SGCD: variants seen among roughly 807,000 people sequenced by gnomAD.
SGCD encodes the protein delta-sarcoglycan.
In SGCD, 18 loss-of-function variants were observed where a neutral mutation model predicts 36.6. The ratio of observed to expected loss-of-function variants is 0.49; its 90% CI spans 0.34 to 0.73. SGCD has a LOEUF of 0.73. SGCD is among the 30% of genes least tolerant of loss of function. The pLI is 0.01. For missense variants in SGCD, 387 were observed against 346.7 expected (o/e 1.12, Z -0.92); for synonymous variants, 133 against 130.6 (o/e 1.02, Z -0.12).
chr5:156,318,451 A>C (rs993535276), intron 3 of SGCD, among the ~76,000 whole-genome samples: 1 of 152,166 alleles, frequency 6.6e-6, no homozygotes, highest in Non-Finnish European at 1.5e-5. Flanking sequence ...TGTATCTATC[A>C]TATCTCCAAT....
intron 1 of SGCD, among the ~76,000 whole-genome samples, chr5:156,016,535 A>T (rs1388111394): frequency 1.3e-5 from 2 of 152,140 alleles, no homozygotes; most frequent in Non-Finnish European, 2.9e-5. Flanking sequence ...CTTTATAGAT[A>T]ACAAATTTTG....
chr5:155,956,665 C>T (rs977943554), intron 1 of SGCD, among the ~76,000 whole-genome samples: 2 of 152,058 alleles, frequency 1.3e-5, no homozygotes, highest in Non-Finnish European at 2.9e-5. Context: ...TTAGAGAATC[C>T]ATCCTTGGCT....
At chr5:156,090,302 C>T (rs1004267957) in intron 1 of SGCD, among the ~76,000 whole-genome samples, 4 of 152,176 alleles carry the variant, frequency 2.6e-5, no homozygotes, top group Non-Finnish European at 5.9e-5. Flanking sequence ...ACATAGGTTG[C>T]TTTCTATTTT....
chr5:156,126,752 C>G (rs1442398285), intron 3 of SGCD, among the ~76,000 whole-genome samples: 1 of 152,150 alleles, frequency 6.6e-6, no homozygotes. Context: ...AAAGGCAAAT[C>G]AAAGTTCCAA....
chr5:156,286,725 A>G (rs1473023645), intron 3 of SGCD, among the ~76,000 whole-genome samples: 1 of 152,086 alleles, frequency 6.6e-6, no homozygotes, highest in African/African-American at 2.4e-5. Flanking sequence ...CTAATGTTAC[A>G]TGACAAGTTA....
At chr5:156,567,771 C>T (rs1759556268) in intron 4 of SGCD, among the ~76,000 whole-genome samples, 1 of 152,064 alleles carries the variant, frequency 6.6e-6, no homozygotes, top group Non-Finnish European at 1.5e-5. Flanking sequence ...GTAGTAGACT[C>T]CTGCATATTA....
At chr5:156,492,498 C>A (rs370799993) in intron 3 of SGCD, among the ~76,000 whole-genome samples, 9 of 152,056 alleles carry the variant, frequency 5.9e-5, no homozygotes, top group Admixed American at 3.9e-4. Context: ...CAAAGACAGT[C>A]AGCTTTATTT....
intron 3 of SGCD, among the ~76,000 whole-genome samples, chr5:156,137,279 C>T (rs1270010693): frequency 6.6e-6 from 1 of 152,242 alleles, no homozygotes. Flanking sequence ...CCAGCCAGTG[C>T]TGCAGCCCCA....
intron 3 of SGCD, among the ~76,000 whole-genome samples, chr5:156,213,968 G>T (rs953478719): frequency 6.6e-6 from 1 of 151,942 alleles, no homozygotes; most frequent in Non-Finnish European, 1.5e-5. Flanking sequence ...CACAATGAAG[G>T]TTGTGCATGA....
chr5:156,754,292 T>C (rs1757259319), intron 7 of SGCD, among the ~76,000 whole-genome samples: 1 of 152,252 alleles, frequency 6.6e-6, no homozygotes, highest in African/African-American at 2.4e-5. Flanking sequence ...ATTTCAAGCT[T>C]TCTTTTTCAC....
intron 6 of SGCD, 41 bp from the exon 7 acceptor site, chr5:156,647,423 A>G (rs759981619): frequency 2.1e-6 from 3 of 1,413,750 alleles, no homozygotes; most frequent in African/African-American, 1.4e-5. Flanking sequence ...AGGTGACTCC[A>G]GTATCTCCAA....
At chr5:156,692,647 A>G (rs1019130734) in intron 7 of SGCD, among the ~76,000 whole-genome samples, 9 of 152,312 alleles carry the variant, frequency 5.9e-5, no homozygotes, top group South Asian at 2.1e-4. Flanking sequence ...TAGCATTCAC[A>G]AACTGTTTTT....
intron 3 of SGCD, among the ~76,000 whole-genome samples, chr5:156,289,228 C>G (rs917145746): frequency 6.6e-6 from 1 of 152,036 alleles, no homozygotes; most frequent in African/African-American, 2.4e-5. Context: ...ATTAAGGATC[C>G]TATTTAACAT....
At chr5:156,305,220 A>G (rs962135472) in intron 3 of SGCD, among the ~76,000 whole-genome samples, 20 of 152,170 alleles carry the variant, frequency 1.3e-4, no homozygotes, top group African/African-American at 4.8e-4. Flanking sequence ...ATTCCCTCCC[A>G]TCACAGGTCA....
rs117756927 is a variant in SGCD at position 155,979,122 on chromosome 5, C to T, written c.-282+108698C>T. Among the ~76,000 whole-genome samples, 747 of 152,282 alleles carry T rather than the reference C, an allele frequency of 4.9e-3. 21 individuals carry two copies. In the East Asian group the frequency reaches 0.061, roughly 12 times the overall value. On this transcript the variant is annotated intron_variant, in intron 1 of 9. Coordinates refer to the SGCD transcript ENST00000517913. ...AGAAACTTGTGATTCCAGACTCTCC[C>T]AGGATTTTAACTGTCTTGCCTGAAC...
intron 3 of SGCD, among the ~76,000 whole-genome samples, chr5:156,213,410 A>G (rs912106422): frequency 6.6e-6 from 1 of 152,072 alleles, no homozygotes; most frequent in Non-Finnish European, 1.5e-5. Context: ...TACCATGACC[A>G]AATCATGAAT....
chr5:156,615,833 G>A (rs1762000960), intron 6 of SGCD, among the ~76,000 whole-genome samples: 1 of 152,224 alleles, frequency 6.6e-6, no homozygotes, highest in Non-Finnish European at 1.5e-5. Flanking sequence ...GTTGGGTGTA[G>A]TGGGAGAGAG....
intron 6 of SGCD, 68 bp downstream of exon 6, chr5:156,595,119 G>T (rs1488345124): frequency 2.0e-6 from 3 of 1,525,366 alleles, no homozygotes; most frequent in Middle Eastern, 2.0e-4. Context: ...AAGCAAAATG[G>T]TGTTATGAAC....
At chr5:156,575,569 G>T (rs1057265561) in intron 4 of SGCD, among the ~76,000 whole-genome samples, 8 of 152,158 alleles carry the variant, frequency 5.3e-5, no homozygotes, top group African/African-American at 1.9e-4. Context: ...TACTCACCAG[G>T]ACTGTAGACA....
Sources: allele counts gnomAD v4.1 joint callset (sites outside exome capture counted in the v4.1 genomes callset), GRCh38; gene constraint gnomAD v4.1.1; transcripts MANE v1.5; gene names NCBI Gene and HGNC (gene_info 2026-07-23, HGNC 2026-07-21).